The following STPG2 variants were observed in gnomAD, a reference collection of about 807,000 sequenced individuals.
STPG2 encodes sperm-tail PG-rich repeat-containing protein 2.
STPG2 carries 56 observed loss-of-function variants against 54.2 expected under a neutral mutation model. That is an observed-to-expected ratio of 1.03 (90% CI 0.83 to 1.29). The LOEUF is 1.29. STPG2 is among the 50% of genes most tolerant of loss of function. STPG2 has a pLI of 0.00. For missense variants in STPG2, 596 were observed against 544.9 expected (o/e 1.09, Z -0.93); for synonymous variants, 200 against 181.8 (o/e 1.10, Z -0.81).
intron 8 of STPG2, among the ~76,000 whole-genome samples, chr4:97,862,705 T>C (rs1037290819): frequency 1.3e-5 from 2 of 152,118 alleles, no homozygotes; most frequent in African/African-American, 4.8e-5. Flanking sequence ...AGTAAAGCAC[T>C]CCTCAGCAAA....
At chr4:98,106,103 T>C in intron 4 of STPG2, 39 bp from the exon 5 acceptor site, 1 of 1,272,536 alleles carries the variant, frequency 7.9e-7, no homozygotes, top group Non-Finnish European at 1.1e-6. Context: ...ATTCTCAATT[T>C]TAAACCTATA....
chr4:97,817,821 T>C (rs1434277849), intron 9 of STPG2, among the ~76,000 whole-genome samples: 1 of 151,956 alleles, frequency 6.6e-6, no homozygotes, highest in Non-Finnish European at 1.5e-5. Context: ...TTTCTTTTCC[T>C]AATTTCCCCA....
At chr4:97,796,107 G>A (rs1218334281) in intron 9 of STPG2, among the ~76,000 whole-genome samples, 1 of 152,116 alleles carries the variant, frequency 6.6e-6, no homozygotes, top group Non-Finnish European at 1.5e-5. Context: ...TTAGCCCTTT[G>A]TCAGATGAAT....
intron 5 of STPG2, among the ~76,000 whole-genome samples, chr4:98,057,817 C>A (rs988614452): frequency 6.6e-6 from 1 of 152,110 alleles, no homozygotes; most frequent in Non-Finnish European, 1.5e-5. Flanking sequence ...AAAGTCAGGT[C>A]ATCTACAAAG....
Position 97,805,269 on chromosome 4 carries a change from C to T in STPG2, c.1204+35504G>A, listed in dbSNP as rs578100720. 2.8e-4 allele frequency among the ~76,000 whole-genome samples: 42 copies of T among 152,178 alleles called. 1 individual carries two copies. The highest frequency in any genetic ancestry group is 2.4e-3 in the Admixed American group (36 of 15,292). On this transcript the variant is annotated intron_variant, in intron 9 of 10. Transcript: ENST00000295268. ...TTGCTCAGGCTGGAGTGCAGTGGCG[C>T]GATCTCCCCTCACTGCAACCTCCCT...
chr4:97,969,857 G>A (rs1025443541), intron 7 of STPG2, among the ~76,000 whole-genome samples: 2 of 152,148 alleles, frequency 1.3e-5, no homozygotes, highest in Admixed American at 1.3e-4. Context: ...AATCAGGAAA[G>A]GAGGAAGTCA....
chr4:97,487,459 T>G (rs1329335984), intron 4 of STPG2, among the ~76,000 whole-genome samples: 2 of 151,530 alleles, frequency 1.3e-5, no homozygotes, highest in African/African-American at 4.8e-5. Context: ...GAAACAAAAT[T>G]CTTTGATGAT....
intron 10 of STPG2, among the ~76,000 whole-genome samples, chr4:97,647,833 G>C (rs1292515935): frequency 4.6e-5 from 7 of 152,134 alleles, no homozygotes; most frequent in Non-Finnish European, 1.5e-5. Flanking sequence ...CAGTCAAAGA[G>C]CTACAGTGAG....
At chr4:97,653,533 A>G (rs995835634) in intron 10 of STPG2, among the ~76,000 whole-genome samples, 1 of 152,126 alleles carries the variant, frequency 6.6e-6, no homozygotes, top group Non-Finnish European at 1.5e-5. Flanking sequence ...GCTTTCAAAA[A>G]ATGACTCTAA....
At chr4:97,704,208 A>T (rs1053471829) in intron 10 of STPG2, among the ~76,000 whole-genome samples, 2 of 152,156 alleles carry the variant, frequency 1.3e-5, no homozygotes, top group African/African-American at 4.8e-5. Flanking sequence ...AATTAAGTTG[A>T]CACTCAGTAT....
At chr4:98,094,520 A>G (rs1578848935) in intron 5 of STPG2, among the ~76,000 whole-genome samples, 1 of 152,308 alleles carries the variant, frequency 6.6e-6, no homozygotes, top group South Asian at 2.1e-4. Context: ...AGTGGAGTAG[A>G]GCAACAAGCA....
chr4:97,487,844 G>A (rs1730405868), intron 4 of STPG2, among the ~76,000 whole-genome samples: 1 of 151,268 alleles, frequency 6.6e-6, no homozygotes, highest in Non-Finnish European at 1.5e-5. Context: ...TGAGTAAAAT[G>A]CACCAATTTA....
chr4:97,739,440 G>T (rs533050133), intron 9 of STPG2, among the ~76,000 whole-genome samples: 21 of 152,064 alleles, frequency 1.4e-4, no homozygotes, highest in Non-Finnish European at 2.5e-4. Context: ...TTTTTTGAAA[G>T]GATCAACAAA....
At chr4:97,799,915 C>T (rs989973000) in intron 9 of STPG2, among the ~76,000 whole-genome samples, 9 of 152,146 alleles carry the variant, frequency 5.9e-5, no homozygotes, top group South Asian at 2.1e-4. Context: ...CTTCTCTTCT[C>T]GCTTCATTTC....
intron 5 of STPG2, among the ~76,000 whole-genome samples, chr4:98,066,000 T>G (rs1456141890): frequency 1.3e-5 from 2 of 151,886 alleles, no homozygotes; most frequent in Non-Finnish European, 2.9e-5. Context: ...ATCATTAAAT[T>G]TAATAATTTA....
chr4:97,561,591 T>C lies in STPG2; in HGVS notation c.1321-2474A>G, dbSNP rs186020114. 4.3e-3 allele frequency among the ~76,000 whole-genome samples: 649 copies of C among 152,330 alleles called. 3 individuals are homozygous for C. The highest frequency in any genetic ancestry group is 0.02 in the Middle Eastern group (6 of 294). ...CTTCTATGGTTTAAGGTCTAACATT[T>C]AAGTCTTTAATCCATCTTGAATTAA... On this transcript the variant is annotated intron_variant, in intron 10 of 10. Coordinates refer to ENST00000295268, the MANE Select transcript of STPG2 (RefSeq NM_174952.3).
At chr4:97,541,635 G>A (rs535504475) in intron 4 of STPG2, among the ~76,000 whole-genome samples, 1 of 152,130 alleles carries the variant, frequency 6.6e-6, no homozygotes, top group East Asian at 1.9e-4. Context: ...GAGTTTATAT[G>A]GAACCAAAAA....
intron 5 of STPG2, among the ~76,000 whole-genome samples, chr4:98,083,941 C>G (rs1174018930): frequency 2.0e-5 from 3 of 152,152 alleles, no homozygotes; most frequent in African/African-American, 7.2e-5. Context: ...GCCTCCAACT[C>G]TTGGGTGGCT....
intron 5 of STPG2, among the ~76,000 whole-genome samples, chr4:98,080,081 C>G (rs1377897941): frequency 6.6e-6 from 1 of 151,684 alleles, no homozygotes; most frequent in African/African-American, 2.4e-5. Context: ...AAAATAGGTC[C>G]TTAGAAAAAT....
Sources: allele counts gnomAD v4.1 joint callset (sites outside exome capture counted in the v4.1 genomes callset), GRCh38; gene constraint gnomAD v4.1.1; transcripts MANE v1.5; gene names NCBI Gene and HGNC (gene_info 2026-07-23, HGNC 2026-07-21).